LARGE1: variants seen among roughly 807,000 people sequenced by gnomAD.
LARGE1 encodes LARGE xylosyl- and glucuronyltransferase 1.
In LARGE1, 43 loss-of-function variants were observed where a neutral mutation model predicts 87.6. The ratio of observed to expected loss-of-function variants is 0.49; its 90% CI spans 0.38 to 0.63. The LOEUF (loss-of-function observed/expected upper bound fraction) is 0.63. Among genes scored for constraint, LARGE1 ranks in the 30% least tolerant of loss-of-function variants. The pLI is 0.00. For synonymous variants in LARGE1, 434 were observed against 394.6 expected, an observed-to-expected ratio of 1.10 and a Z score of -1.18; for missense variants, 802 against 1,000.2, an observed-to-expected ratio of 0.80 and a Z score of 2.67.
chr22:33,919,418 A>C (rs1322369383), intron 1 of LARGE1, among the ~76,000 whole-genome samples: 1 of 152,084 alleles, frequency 6.6e-6, no homozygotes, highest in African/African-American at 2.4e-5. Flanking sequence ...TACACTGATC[A>C]CTCCTCACAA....
chr22:33,078,287 G>A, the LARGE1 span, among the ~76,000 whole-genome samples: 1 of 152,128 alleles, frequency 6.6e-6, no homozygotes, highest in Non-Finnish European at 1.5e-5. Flanking sequence ...ATTCATATGA[G>A]GCTCTTTCCT....
At chr22:33,242,964 G>A (rs899109234) in intron 11 of LARGE1, among the ~76,000 whole-genome samples, 24 of 152,162 alleles carry the variant, frequency 1.6e-4, no homozygotes, top group African/African-American at 5.8e-4. Flanking sequence ...CCCTGTGTGT[G>A]TCTCTATTTG....
At chr22:33,506,443 G>T (rs951985238) in intron 6 of LARGE1, among the ~76,000 whole-genome samples, 1 of 152,108 alleles carries the variant, frequency 6.6e-6, no homozygotes, top group Non-Finnish European at 1.5e-5. Context: ...CCCATAGGCT[G>T]AACCCAGCAT....
intron 9 of LARGE1, among the ~76,000 whole-genome samples, chr22:33,338,358 C>A (rs972783439): frequency 6.6e-6 from 1 of 152,134 alleles, no homozygotes; most frequent in African/African-American, 2.4e-5. Context: ...ACACTCAGAA[C>A]ACGCTTCGCT....
At chr22:33,150,912 A>C in the LARGE1 span, among the ~76,000 whole-genome samples, 1 of 152,024 alleles carries the variant, frequency 6.6e-6, no homozygotes, top group Non-Finnish European at 1.5e-5. Context: ...TTTAGTCAAA[A>C]TTGTTTTCCC....
intron 9 of LARGE1, among the ~76,000 whole-genome samples, chr22:33,342,922 G>C (rs75322092): frequency 3.3e-5 from 5 of 152,180 alleles, no homozygotes; most frequent in African/African-American, 1.2e-4. Flanking sequence ...TTTTGCACCT[G>C]AGTTTTTAAT....
At chr22:33,651,389 C>CAAAAAAAAAAAAAAAAAAAA (rs59002897) in intron 2 of LARGE1, among the ~76,000 whole-genome samples, 3 of 54,350 alleles carry the variant, frequency 5.5e-5, no homozygotes, top group African/African-American at 8.1e-5. Flanking sequence ...GACTCCGTCT[C>CAAAAAAAAAAAAAAAAAAAA]AAAAAAAAAA....
intron 2 of LARGE1, among the ~76,000 whole-genome samples, chr22:33,740,016 G>A (rs112312469): frequency 0.079 from 11,998 of 152,210 alleles, 660 homozygotes; most frequent in South Asian, 0.21. Flanking sequence ...TTTCAGACTT[G>A]CTGTGTTGCT....
At chr22:33,816,658 G>A (rs967531512) in intron 1 of LARGE1, among the ~76,000 whole-genome samples, 6 of 128,546 alleles carry the variant, frequency 4.7e-5, no homozygotes, top group African/African-American at 1.1e-4. Context: ...ACAGACAGAC[G>A]GATGCACGGA....
intron 2 of LARGE1, among the ~76,000 whole-genome samples, chr22:33,740,541 T>C (rs975636625): frequency 2.0e-5 from 3 of 152,218 alleles, no homozygotes; most frequent in Admixed American, 1.3e-4. Context: ...AACTATGTCT[T>C]AATCTTAGTG....
chr22:33,464,943 A>ACG, intron 6 of LARGE1, among the ~76,000 whole-genome samples: 1 of 151,962 alleles, frequency 6.6e-6, no homozygotes, highest in Non-Finnish European at 1.5e-5. Flanking sequence ...ACACATACAC[A>ACG]CACACATACA....
intron 11 of LARGE1, among the ~76,000 whole-genome samples, chr22:33,244,144 A>T (rs1367382202): frequency 6.7e-6 from 1 of 149,558 alleles, no homozygotes; most frequent in Non-Finnish European, 1.5e-5. Flanking sequence ...ACCCGCCACC[A>T]AGCCCAGCTA....
chr22:33,209,661 A>G (rs1231098056), intron 11 of LARGE1, among the ~76,000 whole-genome samples: 1 of 152,166 alleles, frequency 6.6e-6, no homozygotes, highest in Non-Finnish European at 1.5e-5. Flanking sequence ...CTTTTAAATA[A>G]TAGAGACAGG....
intron 1 of LARGE1, among the ~76,000 whole-genome samples, chr22:33,917,390 T>C (rs2065818844): frequency 6.6e-6 from 1 of 152,346 alleles, no homozygotes; most frequent in African/African-American, 2.4e-5. Context: ...GCTGTGGACA[T>C]TAATGATTTC....
At chr22:33,616,150 T>C (rs1887245572) in intron 4 of LARGE1, among the ~76,000 whole-genome samples, 1 of 152,072 alleles carries the variant, frequency 6.6e-6, no homozygotes, top group Non-Finnish European at 1.5e-5. Flanking sequence ...TATAAAAATA[T>C]GAAAACAGAT....
At position 33,384,179 on chromosome 22, in the gene LARGE1, C is replaced by A. The variant is rs750806734; in HGVS notation, c.1005+13G>T. 2.5e-6 allele frequency: 4 copies of A among 1,590,914 alleles called. No homozygotes were observed. The African/African-American group carries it at 4.0e-5, about 16-fold the overall frequency. ...ACTCAGGAATAGCTGCACCTTCGAA[C>A]CTGGCCACTCACCTGGTCAGCTAAG... On this transcript the variant is annotated intron_variant, in intron 8 of 14. Coordinates refer to ENST00000397394, the MANE Select transcript of LARGE1 (RefSeq NM_133642.5).
the LARGE1 span, among the ~76,000 whole-genome samples, chr22:33,126,814 T>A: frequency 1.3e-5 from 2 of 152,252 alleles, no homozygotes; most frequent in African/African-American, 4.8e-5. Context: ...GCTACCCCAC[T>A]GGCACCTGAT....
chr22:33,512,135 G>C (rs1214330776), intron 6 of LARGE1, among the ~76,000 whole-genome samples: 1 of 152,180 alleles, frequency 6.6e-6, no homozygotes, highest in Non-Finnish European at 1.5e-5. Context: ...GCAGTATAAA[G>C]AGACACTTGC....
At chr22:33,749,761 G>A (rs536878132) in intron 2 of LARGE1, among the ~76,000 whole-genome samples, 2 of 152,258 alleles carry the variant, frequency 1.3e-5, no homozygotes, top group South Asian at 4.2e-4. Flanking sequence ...ACAGAAGTTC[G>A]CATGTCTTCT....
Sources: gnomAD v4.1 joint callset for allele counts (sites outside exome capture counted in the v4.1 genomes callset) on GRCh38, gnomAD v4.1.1 for gene constraint, MANE v1.5 for transcripts, NCBI Gene and HGNC (gene_info 2026-07-23, HGNC 2026-07-21) for gene names.